BRPF3: variants seen among roughly 807,000 people sequenced by gnomAD.
BRPF3 encodes bromodomain and PHD finger-containing protein 3.
A neutral mutation model predicts 102.0 loss-of-function variants in BRPF3; 18 were observed. The observed-to-expected ratio is 0.18, with a 90% confidence interval of 0.12 to 0.26. The LOEUF (loss-of-function observed/expected upper bound fraction) is 0.26, where lower values mean the gene tolerates loss of function less well. Among genes scored for constraint, BRPF3 ranks in the 10% least tolerant of loss-of-function variants. The pLI, the probability that BRPF3 is intolerant of heterozygous loss-of-function variation, is 1.00. For missense variants in BRPF3, 1,147 were observed against 1,567.8 expected (o/e 0.73, Z 4.53); for synonymous variants, 570 against 614.2 (o/e 0.93, Z 1.06).
At position 36,200,634 on chromosome 6, in the gene BRPF3, C is replaced by T. The variant is rs762596920; in HGVS notation, c.312C>T (p.Ser104=). The change falls in exon 2 of 13, where the codon TCC becomes TCT. Residue 104 remains serine, a synonymous_variant. Coordinates refer to ENST00000357641, the MANE Select transcript of BRPF3 (RefSeq NM_015695.3). The surrounding 1 kb of genome is among the most constrained non-coding windows in gnomAD (Gnocchi z 5.3). The stretch of plus-strand genomic sequence containing the variant: ...AGGGCAAAAAGAAGGAATCCTGCTC[C>T]AAGCATGCATCTGGTACTTCCTTCC... ...SSKGKKKESC[S]KHASGTSFHL... 2 of 1,614,224 alleles carry T rather than the reference C, an allele frequency of 1.2e-6. No homozygotes were observed. Among genetic ancestry groups the T allele is most frequent in the Non-Finnish European group, 1.7e-6 (2 of 1,180,042 alleles).
rs756990414 is a variant in BRPF3, at chr6:36,201,435, T to C, written c.1113T>C (p.Asn371=). 1 of 1,614,158 alleles carries C rather than the reference T, an allele frequency of 6.2e-7. No homozygotes were observed. The highest frequency in any genetic ancestry group is 8.5e-7 in the Non-Finnish European group (1 of 1,180,042). Residue 371 remains asparagine (N), a synonymous_variant, in exon 2 of 13, where the codon AAT becomes AAC. Coordinates refer to ENST00000357641, the MANE Select transcript of BRPF3 (RefSeq NM_015695.3). This position sits in a 1 kb window ranked among gnomAD's most constrained non-coding sequence, Gnocchi z 5.1. ...KIEPMRETSL[N]GTIFTVRKTA... is the part of the protein sequence containing the mutation. ...AGCCCATGCGCGAAACCAGCCTCAA[T>C]GGCACCATCTTTACAGTGCGCAAGA...
rs558158130 is a variant in BRPF3 at position 36,230,072 on chromosome 6, C to T, written c.3435-354C>T. 2.7e-4 allele frequency among the ~76,000 whole-genome samples: 41 copies of T among 152,324 alleles called. No homozygotes were observed. Among genetic ancestry groups the T allele is most frequent in the African/African-American group, 6.0e-4 (25 of 41,572 alleles). The stretch of plus-strand genomic sequence containing the variant: ...TAGCCATCGCCCCCTAATTCTCCAA[C>T]GCAAGGCGAGGCTCAGAGCCCTCCA... On this transcript the variant is annotated intron_variant, in intron 12 of 12. Transcript: ENST00000357641. The surrounding 1 kb of genome is among the most constrained non-coding windows in gnomAD (Gnocchi z 5.4).
chr6:36,220,755 C>G (rs1768506430), intron 9 of BRPF3, among the ~76,000 whole-genome samples: 1 of 152,042 alleles, frequency 6.6e-6, no homozygotes. Context: ...TGTTTTTTCC[C>G]AAACAGTTTC....
At position 36,201,219 on chromosome 6, in the gene BRPF3, C is replaced by T; in HGVS notation, c.897C>T (p.Val299=). ...TGTGTGCCATCTGGATCCCTGAAGT[C>T]TGCTTTGCTAACACCGTGTTCTTGG... ...HVVCAIWIPE[V]CFANTVFLEP... Residue 299 remains valine (V), a synonymous_variant, in exon 2 of 13, where the codon GTC becomes GTT. Coordinates refer to ENST00000357641, the MANE Select transcript of BRPF3 (RefSeq NM_015695.3). The surrounding 1 kb of genome is among the most constrained non-coding windows in gnomAD (Gnocchi z 5.1). 6.2e-7 allele frequency: 1 copy of T among 1,614,180 alleles called. No individual in the cohort carries two copies. The highest frequency in any genetic ancestry group is 8.5e-7 in the Non-Finnish European group (1 of 1,180,036).
chr6:36,202,633 G>A (rs1767756165), intron 2 of BRPF3, among the ~76,000 whole-genome samples: 1 of 152,170 alleles, frequency 6.6e-6, no homozygotes, highest in South Asian at 2.1e-4. Context: ...ATCTGATGTA[G>A]TCCTTGCACC....
intron 1 of BRPF3, chr6:36,197,448 T>A (rs1028247133): frequency 1.3e-5 from 2 of 152,214 alleles, no homozygotes; most frequent in African/African-American, 4.8e-5. Flanking sequence ...TCTGAGGAGA[T>A]GTTATTTCCC....
chr6:36,223,593 T>C (rs1239842649), intron 10 of BRPF3, among the ~76,000 whole-genome samples: 3 of 152,248 alleles, frequency 2.0e-5, no homozygotes, highest in Non-Finnish European at 2.9e-5. Flanking sequence ...ACATGCACTT[T>C]TGTATTCTAC....
rs768596307 is a variant in BRPF3 at position 36,210,482 on chromosome 6, C to A, written c.2133C>A (p.Pro711=). ...ACCCCGAGAGGGGCACTCACCTGCC[C>A]GAGTCACCCAAATTGGAAGACTTTT... ...GYDPERGTHL[P]ESPKLEDFYR... The change falls in exon 6 of 13, where the codon CCC becomes CCA. Residue 711 remains proline, a synonymous_variant. Transcript: ENST00000357641. The surrounding 1 kb of genome is among the most constrained non-coding windows in gnomAD (Gnocchi z 4.7). 1 of 1,603,712 alleles carries A rather than the reference C, an allele frequency of 6.2e-7. No individual in the cohort carries two copies. The highest frequency in any genetic ancestry group is 1.3e-5 in the African/African-American group (1 of 74,828).
At chr6:36,216,711 G>T (rs999512412) in intron 8 of BRPF3, among the ~76,000 whole-genome samples, 41 of 152,292 alleles carry the variant, frequency 2.7e-4, no homozygotes, top group African/African-American at 9.1e-4. Context: ...TCTTGGCTCA[G>T]CTGTTAGAAT....
At chr6:36,229,768 C>T (rs1203532890) in intron 12 of BRPF3, among the ~76,000 whole-genome samples, 3 of 152,228 alleles carry the variant, frequency 2.0e-5, no homozygotes, top group Non-Finnish European at 4.4e-5. Context: ...TGAGTGCTTA[C>T]TCCATGTCCT....
In BRPF3 at chr6:36,225,374, C is replaced by T. The variant is rs1340302048; in HGVS notation, c.3279+10C>T. 1.2e-6 allele frequency: 2 copies of T among 1,606,200 alleles called. No homozygotes were observed. Among genetic ancestry groups the T allele is most frequent in the African/African-American group, 1.3e-5 (1 of 74,992 alleles). ...CTCCTACCCTGCCTTGGTGAGTCTG[C>T]CCCAGACGCCACCCTCCTATCTCCC... On this transcript the variant is annotated intron_variant, in intron 11 of 12. Coordinates refer to ENST00000357641, the MANE Select transcript of BRPF3 (RefSeq NM_015695.3).
intron 9 of BRPF3, among the ~76,000 whole-genome samples, chr6:36,218,609 G>GC (rs1186603410): frequency 1.3e-5 from 2 of 152,024 alleles, no homozygotes; most frequent in Non-Finnish European, 2.9e-5. Flanking sequence ...ATAGGCACGT[G>GC]CCACCACGCC....
At chr6:36,229,972 C>CTT (rs1308341176) in intron 12 of BRPF3, among the ~76,000 whole-genome samples, 1 of 152,166 alleles carries the variant, frequency 6.6e-6, no homozygotes, top group Non-Finnish European at 1.5e-5. Context: ...ACCCGGGGAG[C>CTT]TTTAAAAACA....
At chr6:36,227,078 C>A (rs1472966413) in intron 11 of BRPF3, among the ~76,000 whole-genome samples, 1 of 152,218 alleles carries the variant, frequency 6.6e-6, no homozygotes, top group Non-Finnish European at 1.5e-5. Context: ...AATTCAGCCA[C>A]CACCTGAACA....
chr6:36,198,960 C>G (rs1450032445), intron 1 of BRPF3, among the ~76,000 whole-genome samples: 2 of 152,228 alleles, frequency 1.3e-5, no homozygotes, highest in Non-Finnish European at 2.9e-5. Flanking sequence ...ACCTCAGATA[C>G]TGCCCAGATC....
chr6:36,207,415 C>T lies in BRPF3; in HGVS notation c.1708C>T (p.Arg570Trp), dbSNP rs761546570. 1 of 1,613,992 alleles carries T rather than the reference C, an allele frequency of 6.2e-7. No homozygotes were observed. ...ERARLLIELI[R>W]KREKLKREQV... Reference sequence around the variant, plus strand: ...GGCGCGGCTGCTGATTGAGCTGATTCGGAAGAGAGAGAAGCTCAAACGAGA... The same window carrying T: ...GGCGCGGCTGCTGATTGAGCTGATTTGGAAGAGAGAGAAGCTCAAACGAGA... Residue 570 changes from arginine (R) to tryptophan (W), a missense_variant, in exon 4 of 13, where the codon CGG (arginine) becomes TGG (tryptophan). Arg to Trp is a moderately radical substitution (Grantham distance 101). This residue lies in a region of BRPF3 where 23 missense variants were observed against 54.4 expected (regional missense o/e 0.42). Coordinates refer to ENST00000357641, the MANE Select transcript of BRPF3 (RefSeq NM_015695.3).
Position 36,230,375 on chromosome 6 carries a change from C to A in BRPF3, c.3435-51C>A. 6.4e-7 allele frequency: 1 copy of A among 1,570,506 alleles called. No individual in the cohort carries two copies. The highest frequency in any genetic ancestry group is 8.7e-7 in the Non-Finnish European group (1 of 1,146,404). On this transcript the variant is annotated intron_variant, in intron 12 of 12. Transcript: ENST00000357641. The surrounding 1 kb of genome is among the most constrained non-coding windows in gnomAD (Gnocchi z 5.4). The stretch of plus-strand genomic sequence containing the variant: ...CCAAGTGGGGCCACAGGAGCCCGAG[C>A]CCCCTGTGAGACCCACTACTGCCCA...
chr6:36,207,775 G>T (rs1038442967), intron 4 of BRPF3, among the ~76,000 whole-genome samples: 1 of 152,202 alleles, frequency 6.6e-6, no homozygotes, highest in South Asian at 2.1e-4. Flanking sequence ...ATTCTCATGG[G>T]CATCATCAGT....
At position 36,222,185 on chromosome 6, in the gene BRPF3, A is replaced by G. The variant is rs374173836; in HGVS notation, c.3101A>G (p.Lys1034Arg). The G allele has an allele frequency of 4.5e-6, 7 of 1,550,180 alleles. No homozygotes were observed. Among genetic ancestry groups the G allele is most frequent in the East Asian group, 4.9e-5 (2 of 40,956 alleles). ...GTGTGCAGTGGTCTGACGCCCCCCA[A>G]ACGCAGCCGTGGGAAGCCAGCCCTG... ...FEACSGLTPP[K>R]RSRGKPALSR... is the part of the protein sequence containing the mutation. The change falls in exon 10 of 13, where the codon AAA (lysine) becomes AGA (arginine). Residue 1034 changes from lysine to arginine, a missense_variant. By Grantham distance (26) the Lys-to-Arg change is conservative (BLOSUM62 2). Coordinates refer to ENST00000357641, the MANE Select transcript of BRPF3 (RefSeq NM_015695.3).
Sources: allele counts gnomAD v4.1 joint callset (sites outside exome capture counted in the v4.1 genomes callset), GRCh38; gene constraint gnomAD v4.1.1; regional missense constraint gnomAD v4.1.1; non-coding constraint Gnocchi (gnomAD v3.1); transcripts MANE v1.5; gene names NCBI Gene and HGNC (gene_info 2026-07-23, HGNC 2026-07-21).